Variants in MICU3 observed in about 807,000 individuals in gnomAD.
MICU3 encodes the protein mitochondrial calcium uptake 3.
In MICU3, 62 loss-of-function variants were observed where a neutral mutation model predicts 66.5. That is an observed-to-expected ratio of 0.93 (90% CI 0.76 to 1.15). The LOEUF (loss-of-function observed/expected upper bound fraction) is 1.15. Ranked by LOEUF, MICU3 falls within the 50% of genes most tolerant of loss-of-function variation. MICU3 has a pLI of 0.00. For synonymous variants in MICU3, 308 were observed against 240.7 expected, an observed-to-expected ratio of 1.28 and a Z score of -2.59; for missense variants, 779 against 664.4, an observed-to-expected ratio of 1.17 and a Z score of -1.90.
chr8:17,070,218 G>C (rs190786545), intron 3 of MICU3, among the ~76,000 whole-genome samples: 91 of 151,978 alleles, frequency 6.0e-4, no homozygotes, highest in South Asian at 2.1e-3. Context: ...GATTATATAT[G>C]ATGGCCCCAA....
At chr8:17,071,249 G>A (rs1819542571) in intron 3 of MICU3, among the ~76,000 whole-genome samples, 1 of 152,004 alleles carries the variant, frequency 6.6e-6, no homozygotes, top group Non-Finnish European at 1.5e-5. Context: ...AGATTGAGTG[G>A]GTTTAACACC....
chr8:17,027,471 G>T lies in MICU3; in HGVS notation c.192G>T (p.Trp64Cys), dbSNP rs781023389. The change falls in exon 1 of 15, where the codon TGG becomes TGT. Residue 64 changes from tryptophan to cysteine, a missense_variant. Transcript: ENST00000318063. ...AEAAWRRRRR[W>C]GELSVAAAAG... The stretch of plus-strand genomic sequence containing the variant: ...CGGCATGGAGGCGGCGGCGGCGCTG[G>T]GGGGAGCTGAGCGTGGCGGCGGCGG... 9.9e-5 allele frequency: 128 copies of T among 1,291,528 alleles called. No homozygotes were observed. The highest frequency in any genetic ancestry group is 1.2e-4 in the Non-Finnish European group (118 of 1,024,564). The allele number at this position is 1,291,528 out of a possible 1,614,324, so 80.0% of individuals were successfully genotyped here. A position where few individuals can be genotyped will look rare whatever the true frequency, so the allele number is the denominator to read the frequency against.
chr8:17,076,513 A>G (rs1820410221), intron 3 of MICU3, among the ~76,000 whole-genome samples: 1 of 152,168 alleles, frequency 6.6e-6, no homozygotes, highest in African/African-American at 2.4e-5. Context: ...GCAGATACAG[A>G]AACATGAAAA....
downstream of MICU3, among the ~76,000 whole-genome samples, chr8:17,125,612 G>A (rs996632255): frequency 4.6e-5 from 7 of 152,194 alleles, no homozygotes; most frequent in African/African-American, 1.4e-4. Flanking sequence ...GCCAGATTTC[G>A]CCTGCCTGGC....
At chr8:17,081,769 G>A (rs962258519) in intron 5 of MICU3, 29 bp downstream of exon 5, 3 of 882,444 alleles carry the variant, frequency 3.4e-6, no homozygotes, top group African/African-American at 1.8e-5. Flanking sequence ...TTTATTTCTG[G>A]ATGCAGCTTT....
downstream of MICU3, among the ~76,000 whole-genome samples, chr8:17,123,579 C>T (rs746067548): frequency 8.6e-5 from 13 of 152,020 alleles, no homozygotes. Flanking sequence ...CAATTCAGAA[C>T]TCTCGAATGT....
chr8:17,076,029 T>G (rs1820340649), intron 3 of MICU3, among the ~76,000 whole-genome samples: 1 of 152,126 alleles, frequency 6.6e-6, no homozygotes, highest in South Asian at 2.1e-4. Context: ...TTTTTTAAGT[T>G]TTTTTATATT....
At chr8:17,056,029 A>T (rs1295532805) in intron 1 of MICU3, among the ~76,000 whole-genome samples, 4 of 152,206 alleles carry the variant, frequency 2.6e-5, no homozygotes, top group African/African-American at 9.6e-5. Context: ...GACCCACAGA[A>T]TATAAGGAGC....
At chr8:17,105,638 C>A (rs1438049095) in intron 11 of MICU3, 54 bp downstream of exon 11, 4 of 1,040,786 alleles carry the variant, frequency 3.8e-6, no homozygotes, top group African/African-American at 1.7e-5. Flanking sequence ...ATACGTGCCT[C>A]TAAAACACAT....
intron 11 of MICU3, among the ~76,000 whole-genome samples, chr8:17,106,292 T>A (rs1467168378): frequency 6.6e-6 from 1 of 152,000 alleles, no homozygotes; most frequent in Non-Finnish European, 1.5e-5. Context: ...TTTGACTTTG[T>A]TTAGAATGGA....
At chr8:17,102,733 T>A in intron 9 of MICU3, 1 of 151,958 alleles carries the variant, frequency 6.6e-6, no homozygotes, top group East Asian at 1.9e-4. Flanking sequence ...AAACATAGTA[T>A]GTGACACTTG....
At chr8:17,123,590 TG>T (rs1803322111), downstream of MICU3, among the ~76,000 whole-genome samples, 1 of 152,120 alleles carries the variant, frequency 6.6e-6, no homozygotes, top group Non-Finnish European at 1.5e-5. Context: ...TCTCGAATGT[TG>T]CTGGTGAGCT....
downstream of MICU3, among the ~76,000 whole-genome samples, chr8:17,125,159 CTT>C (rs1418926434): frequency 1.3e-5 from 2 of 152,074 alleles, no homozygotes; most frequent in Non-Finnish European, 2.9e-5. Flanking sequence ...TGTAATCTTT[CTT>C]TTCCACTGTT....
At chr8:17,107,647 C>T (rs1474885792) in intron 11 of MICU3, among the ~76,000 whole-genome samples, 1 of 152,160 alleles carries the variant, frequency 6.6e-6, no homozygotes, top group African/African-American at 2.4e-5. Flanking sequence ...ATTTAATATA[C>T]TGTCTGCAGC....
At chr8:17,123,124 T>G (rs1187562291), downstream of MICU3, among the ~76,000 whole-genome samples, 1 of 152,118 alleles carries the variant, frequency 6.6e-6, no homozygotes, top group Non-Finnish European at 1.5e-5. Context: ...TGATAAGAAA[T>G]CACTGTGGTT....
In MICU3 at chr8:17,056,732, A is replaced by T. The variant is rs1416141858; in HGVS notation, c.382-7352A>T. On this transcript the variant is annotated intron_variant, in intron 1 of 14. Transcript: ENST00000318063. ...ATCACAAGGGATGTGATTAATTAGG[A>T]ATCGATGTGGAGCAGTCAGTAGCTT... is the stretch of plus-strand genomic sequence containing the variant. Among the ~76,000 whole-genome samples the T allele has an allele frequency of 2.6e-5, 4 of 152,312 alleles. No individual in the cohort carries two copies. The East Asian group carries it at 7.7e-4, about 29-fold the overall frequency.
At chr8:17,133,785 A>G in the MICU3 span, among the ~76,000 whole-genome samples, 1 of 152,184 alleles carries the variant, frequency 6.6e-6, no homozygotes, top group Non-Finnish European at 1.5e-5. Context: ...TATAATGCAA[A>G]TTATATTTTA....
At chr8:17,122,745 A>G (rs1803284326), downstream of MICU3, 2 of 152,084 alleles carry the variant, frequency 1.3e-5, no homozygotes, top group South Asian at 4.1e-4. Flanking sequence ...ACCTCTTTTG[A>G]TTTTATTCCC....
chr8:17,066,836 T>G (rs1014657286), intron 2 of MICU3, among the ~76,000 whole-genome samples: 2 of 152,080 alleles, frequency 1.3e-5, no homozygotes, highest in Admixed American at 1.3e-4. Flanking sequence ...CGTGAGCTAC[T>G]GTGCCTGGCC....
Sources: allele counts gnomAD v4.1 joint callset (sites outside exome capture counted in the v4.1 genomes callset), GRCh38; gene constraint gnomAD v4.1.1; transcripts MANE v1.5; gene names NCBI Gene and HGNC (gene_info 2026-07-23, HGNC 2026-07-21).